CEP250: variants seen among roughly 807,000 people sequenced by gnomAD.
CEP250 encodes centrosomal protein 250, also known as centrosome-associated protein CEP250.
In CEP250, 242 loss-of-function variants were observed where a neutral mutation model predicts 315.7. The ratio of observed to expected loss-of-function variants is 0.77; its 90% confidence interval spans 0.69 to 0.85. The LOEUF is 0.85. Ranked by LOEUF, CEP250 falls within the 40% of genes least tolerant of loss-of-function variation. The pLI, the probability that CEP250 is intolerant of heterozygous loss-of-function variation, is 0.00. For synonymous variants in CEP250, 1,088 were observed against 1,175.0 expected (o/e 0.93, Z 1.51); for missense variants, 2,515 against 2,886.4 (o/e 0.87, Z 2.95).
intron 5 of CEP250, among the ~76,000 whole-genome samples, chr20:35,464,879 G>T (rs2062836473): frequency 6.6e-6 from 1 of 152,044 alleles, no homozygotes; most frequent in African/African-American, 2.4e-5. Context: ...CCGAGATCAT[G>T]CCACTGCACT....
intron 5 of CEP250, 60 bp from the exon 6 acceptor site, chr20:35,465,683 G>A: frequency 7.9e-7 from 1 of 1,261,960 alleles, no homozygotes; most frequent in South Asian, 1.5e-5. Flanking sequence ...GAGCCTTAGG[G>A]AACTGGTCTG....
intron 13 of CEP250, 26 bp from the exon 14 acceptor site, chr20:35,473,844 G>A (rs1403927849): frequency 6.3e-7 from 1 of 1,596,940 alleles, no homozygotes. Context: ...TATGGTCTCT[G>A]CTCATCTCTG....
intron 20 of CEP250, among the ~76,000 whole-genome samples, chr20:35,482,879 G>A (rs2063391834): frequency 6.6e-6 from 1 of 152,042 alleles, no homozygotes; most frequent in Non-Finnish European, 1.5e-5. Context: ...GTTTAGATGT[G>A]TATTTCTTTT....
At chr20:35,490,190 G>A (rs1392327312) in intron 20 of CEP250, among the ~76,000 whole-genome samples, 3 of 152,114 alleles carry the variant, frequency 2.0e-5, no homozygotes, top group Non-Finnish European at 4.4e-5. Flanking sequence ...GGGGGCACCT[G>A]TAGTCCCAGC....
Position 35,479,639 on chromosome 20 carries a change from C to G in CEP250, c.2289-7C>G. 1.2e-6 allele frequency: 2 copies of G among 1,614,008 alleles called. No homozygotes were observed. Among genetic ancestry groups the G allele is most frequent in the South Asian group, 1.1e-5 (1 of 91,060 alleles). On this transcript the variant is annotated splice_polypyrimidine_tract_variant and splice_region_variant and intron_variant, in intron 18 of 34. Transcript: ENST00000397527. ...TAAGAAACTCTTCTGATTCCTGAAC[C>G]TCACAGCTCAGCCAAGGAGCTACTG...
intron 20 of CEP250, among the ~76,000 whole-genome samples, chr20:35,485,064 TAAAA>T (rs587596547): frequency 7.7e-6 from 1 of 129,234 alleles, no homozygotes; most frequent in Admixed American, 7.9e-5. Context: ...CCTATCTCTT[TAAAA>T]AAAAAAAAAA....
Position 35,493,563 on chromosome 20 carries a change from G to GC in CEP250, c.3025dup (p.Gln1009ProfsTer16), listed in dbSNP as rs1568812983. ...CCCTGCTGCAGGATAAGATGGACCT[G>GC]CAGAAGCAGGTCCCCTCCTCCTCCC... On this transcript the variant is annotated frameshift_variant, in exon 23 of 35. Transcript: ENST00000397527. LOFTEE classifies it high-confidence loss of function. The GC allele has an allele frequency of 6.5e-7, 1 of 1,549,642 alleles. No homozygotes were observed. Among genetic ancestry groups the GC allele is most frequent in the East Asian group, 2.3e-5 (1 of 42,802 alleles).
At chr20:35,465,593 G>A (rs934541465) in intron 5 of CEP250, 150 bp from the exon 6 acceptor site, 25 of 574,622 alleles carry the variant, frequency 4.4e-5, no homozygotes, top group Non-Finnish European at 7.4e-5. Flanking sequence ...TTTGGAGTGA[G>A]GGATGCAGTG....
At position 35,503,214 on chromosome 20, in the gene CEP250, G is replaced by A. The variant is rs544146445; in HGVS notation, c.4845G>A (p.Glu1615=). 6.2e-7 allele frequency: 1 copy of A among 1,614,158 alleles called. No individual in the cohort carries two copies. The highest frequency in any genetic ancestry group is 1.7e-5 in the Admixed American group (1 of 60,024). Residue 1615 remains glutamate (E), a synonymous_variant, in exon 30 of 35, where the codon GAG becomes GAA. Coordinates refer to ENST00000397527, the MANE Select transcript of CEP250 (RefSeq NM_007186.6). The surrounding 1 kb of genome is among the most constrained non-coding windows in gnomAD (Gnocchi z 4.2). Reference sequence around the variant, plus strand: ...AAAGCAGCCAGATCCATGACCTGGAGAGCCACAGCACCGTTCTGGCAAGAG... The same window carrying A: ...AAAGCAGCCAGATCCATGACCTGGAAAGCCACAGCACCGTTCTGGCAAGAG... ...QAQSSQIHDL[E]SHSTVLAREL... is the part of the protein sequence containing the mutation.
intron 10 of CEP250, among the ~76,000 whole-genome samples, chr20:35,470,844 C>T (rs923607936): frequency 2.6e-5 from 4 of 152,228 alleles, no homozygotes; most frequent in Non-Finnish European, 5.9e-5. Context: ...TAGATTCTGG[C>T]TCACAGCTAG....
At position 35,477,860 on chromosome 20, in the gene CEP250, T is replaced by A. The variant is rs372827633; in HGVS notation, c.1864-11T>A. On this transcript the variant is annotated splice_polypyrimidine_tract_variant and intron_variant, in intron 16 of 34. Transcript: ENST00000397527. ...TTGATGCTTGTACTCCCTTCCCTTT[T>A]TGGCCAGTAGTTAGAGGAGGAGAAC... is the stretch of plus-strand genomic sequence containing the variant. 1 of 1,564,092 alleles carries A rather than the reference T, an allele frequency of 6.4e-7. No individual in the cohort carries two copies. Among genetic ancestry groups the A allele is most frequent in the Non-Finnish European group, 8.7e-7 (1 of 1,153,110 alleles).
intron 32 of CEP250, 111 bp downstream of exon 32, chr20:35,508,301 T>A (rs2064253243): frequency 8.3e-7 from 1 of 1,207,692 alleles, no homozygotes; most frequent in Non-Finnish European, 1.2e-6. Flanking sequence ...GCTGCCTGTT[T>A]CTGAAAATTA....
chr20:35,465,755 C>G lies in CEP250; in HGVS notation c.256C>G (p.Gln86Glu). The change falls in exon 6 of 35, where the codon CAG becomes GAG. Residue 86 changes from glutamine (Q) to glutamate (E), a missense_variant. Gln to Glu is a conservative substitution (Grantham distance 29). Coordinates refer to ENST00000397527, the MANE Select transcript of CEP250 (RefSeq NM_007186.6). ...CTGTCTGGCGCAGGGACCAATCCCC[C>G]AGAGGTGGGAAAATGTGGAGGAGCC... ...RLEATGGPIPQRWENVEEPNL... is the reference protein window; with the variant it reads ...RLEATGGPIPERWENVEEPNL... 6.2e-7 allele frequency: 1 copy of G among 1,604,768 alleles called. No individual in the cohort carries two copies. The highest frequency in any genetic ancestry group is 1.1e-5 in the South Asian group (1 of 88,690).
intron 23 of CEP250, among the ~76,000 whole-genome samples, chr20:35,493,956 T>G (rs2063765701): frequency 6.6e-6 from 1 of 152,202 alleles, no homozygotes; most frequent in Admixed American, 6.5e-5. Context: ...GTTTTGCCTT[T>G]GGGAGTAGTT....
At chr20:35,488,274 T>A (rs1403334933) in intron 20 of CEP250, among the ~76,000 whole-genome samples, 1 of 152,206 alleles carries the variant, frequency 6.6e-6, no homozygotes, top group African/African-American at 2.4e-5. Context: ...TTTTCATATT[T>A]TTACAGTTGG....
In CEP250 at chr20:35,493,518, C is replaced by G; in HGVS notation, c.2979C>G (p.Ala993=). The G allele has an allele frequency of 2.5e-6, 4 of 1,608,044 alleles. No individual in the cohort carries two copies. The highest frequency in any genetic ancestry group is 3.4e-6 in the Non-Finnish European group (4 of 1,177,488). ...AARQHRDDLA[A]LQEESSSLLQ... is the part of the protein sequence containing the mutation. Reference sequence around the variant, plus strand: ...GGCAGCACAGAGATGACCTTGCTGCCCTCCAAGAAGAGAGCAGCTCCCTGC... The same window carrying G: ...GGCAGCACAGAGATGACCTTGCTGCGCTCCAAGAAGAGAGCAGCTCCCTGC... The change falls in exon 23 of 35, where the codon GCC becomes GCG. Residue 993 remains alanine, a synonymous_variant. Coordinates refer to ENST00000397527, the MANE Select transcript of CEP250 (RefSeq NM_007186.6).
intron 20 of CEP250, among the ~76,000 whole-genome samples, chr20:35,489,976 C>T (rs1033899273): frequency 1.3e-5 from 2 of 151,986 alleles, no homozygotes; most frequent in Non-Finnish European, 2.9e-5. Context: ...CCCAGGAGTT[C>T]GAGTCCAGCC....
At position 35,473,525 on chromosome 20, in the gene CEP250, T is replaced by G. The variant is rs369136708; in HGVS notation, c.1361T>G (p.Leu454Arg). ...ACTCTGGCAGGGCAGACTGTGGACCTCCAGGGAGAGGTGGACTCTCTCAGC... is the reference window on the plus strand; with the variant it reads ...ACTCTGGCAGGGCAGACTGTGGACCGCCAGGGAGAGGTGGACTCTCTCAGC... ...RDTLAGQTVD[L>R]QGEVDSLSKE... The change falls in exon 13 of 35, where the codon CTC (leucine) becomes CGC (arginine). Residue 454 changes from leucine to arginine, a missense_variant. By Grantham distance (102) the Leu-to-Arg change is moderately radical. Transcript: ENST00000397527. The G allele has an allele frequency of 3.7e-6, 6 of 1,613,600 alleles. No homozygotes were observed. The highest frequency in any genetic ancestry group is 2.5e-6 in the Non-Finnish European group (3 of 1,179,828).
Position 35,504,072 on chromosome 20 carries a change from A to T in CEP250, c.5703A>T (p.Lys1901Asn). ...DLRAESREQE[K>N]ALLALQQQCA... ...GGGCTGAGTCTCGGGAACAGGAGAA[A>T]GCTCTGTTGGCCCTCCAGCAGCAGT... is the stretch of plus-strand genomic sequence containing the variant. The change falls in exon 30 of 35, where the codon AAA becomes AAT. Residue 1901 changes from lysine (K) to asparagine (N), a missense_variant. Lys to Asn is a moderately conservative substitution (Grantham distance 94). Transcript: ENST00000397527. The T allele has an allele frequency of 3.1e-6, 5 of 1,607,462 alleles. No individual in the cohort carries two copies. Among genetic ancestry groups the T allele is most frequent in the Non-Finnish European group, 4.3e-6 (5 of 1,176,034 alleles).
Sources: gnomAD v4.1 joint callset for allele counts (sites outside exome capture counted in the v4.1 genomes callset) on GRCh38, gnomAD v4.1.1 for gene constraint, Gnocchi (gnomAD v3.1) non-coding constraint, MANE v1.5 for transcripts, NCBI Gene and HGNC (gene_info 2026-07-23, HGNC 2026-07-21) for gene names.